The following ZSWIM6 variants were observed in gnomAD, a reference collection of about 807,000 sequenced individuals.
ZSWIM6 encodes zinc finger SWIM domain-containing protein 6.
A neutral mutation model predicts 113.2 loss-of-function variants in ZSWIM6; 9 were observed. That is an observed-to-expected ratio of 0.08 (90% CI 0.05 to 0.14). The LOEUF is 0.14. ZSWIM6 is among the 10% of genes least tolerant of loss of function. ZSWIM6 has a pLI of 1.00. For missense variants in ZSWIM6, 1,162 were observed against 1,552.2 expected (o/e 0.75, Z 4.22); for synonymous variants, 611 against 606.5 (o/e 1.01, Z -0.11).
intron 4 of ZSWIM6, among the ~76,000 whole-genome samples, chr5:61,520,983 TG>T (rs2112260662): frequency 6.6e-6 from 1 of 152,254 alleles, no homozygotes; most frequent in East Asian, 1.9e-4. Flanking sequence ...TTTGGATATT[TG>T]GTTCAAACTT....
intron 1 of ZSWIM6, among the ~76,000 whole-genome samples, chr5:61,369,954 C>T (rs879291637): frequency 1.3e-5 from 2 of 152,126 alleles, no homozygotes; most frequent in Non-Finnish European, 2.9e-5. Context: ...AAACAAACTA[C>T]AAAACAGAGG....
chr5:61,464,142 C>T (rs1013867410), intron 1 of ZSWIM6, among the ~76,000 whole-genome samples: 1 of 145,808 alleles, frequency 6.9e-6, no homozygotes, highest in Non-Finnish European at 1.5e-5. Flanking sequence ...CAGGTGCATG[C>T]CAACACACCC....
intron 1 of ZSWIM6, among the ~76,000 whole-genome samples, chr5:61,392,669 A>G (rs978200059): frequency 4.6e-5 from 7 of 152,038 alleles, no homozygotes; most frequent in South Asian, 2.1e-4. Flanking sequence ...CTGGAGTGCA[A>G]TGGCGTGATC....
At chr5:61,474,673 C>T (rs555919114) in intron 2 of ZSWIM6, among the ~76,000 whole-genome samples, 10 of 152,216 alleles carry the variant, frequency 6.6e-5, no homozygotes, top group African/African-American at 2.4e-4. Context: ...CTAGTGGCTG[C>T]CATATTGGAC....
chr5:61,521,982 G>C (rs1030725757), intron 5 of ZSWIM6, among the ~76,000 whole-genome samples: 1 of 151,922 alleles, frequency 6.6e-6, no homozygotes, highest in Non-Finnish European at 1.5e-5. Flanking sequence ...GGGTTGTCTA[G>C]CCCACCTGCT....
chr5:61,358,038 A>C (rs1305246067), intron 1 of ZSWIM6, among the ~76,000 whole-genome samples: 2 of 152,018 alleles, frequency 1.3e-5, no homozygotes, highest in Non-Finnish European at 2.9e-5. Flanking sequence ...GGTTTTTCTT[A>C]TCTCTCCTCT....
At position 61,499,463 on chromosome 5, in the gene ZSWIM6, A is replaced by G. The variant is rs537546972; in HGVS notation, c.1333+5053A>G. ...ATAGTACCAGTAGCAAGGAGGGGGT[A>G]GAGAGATGAAACATTAGGAGATGTG... On this transcript the variant is annotated intron_variant, in intron 4 of 13. Transcript: ENST00000252744. 2.6e-5 allele frequency among the ~76,000 whole-genome samples: 4 copies of G among 152,294 alleles called. No individual in the cohort carries two copies. In the East Asian group the frequency reaches 7.7e-4, roughly 29 times the overall value.
chr5:61,346,772 A>G (rs1415389728), intron 1 of ZSWIM6, among the ~76,000 whole-genome samples: 1 of 152,202 alleles, frequency 6.6e-6, no homozygotes, highest in Middle Eastern at 3.2e-3. Context: ...AACTTACTAA[A>G]GAGGCATTTT....
At chr5:61,374,955 C>G (rs894062364) in intron 1 of ZSWIM6, among the ~76,000 whole-genome samples, 1 of 151,938 alleles carries the variant, frequency 6.6e-6, no homozygotes, top group East Asian at 1.9e-4. Context: ...GCTTGACAAA[C>G]TAAGGCTAAA....
chr5:61,457,126 T>A (rs6881799), intron 1 of ZSWIM6, among the ~76,000 whole-genome samples: 57,166 of 150,766 alleles, frequency 0.38, 10,974 homozygotes, highest in South Asian at 0.43. Context: ...TCATTGTTCA[T>A]TTCCCACCTA....
intron 1 of ZSWIM6, chr5:61,391,962 C>CG (rs1745726624): frequency 2.0e-6 from 1 of 502,966 alleles, no homozygotes; most frequent in South Asian, 2.4e-5. Context: ...TGGGCTTGTA[C>CG]GGGTCTACCT....
chr5:61,530,495 A>T (rs1371284073), intron 8 of ZSWIM6, among the ~76,000 whole-genome samples: 1 of 152,232 alleles, frequency 6.6e-6, no homozygotes, highest in Non-Finnish European at 1.5e-5. Context: ...ACTTCTTAGC[A>T]TAAAGTTATA....
Position 61,544,344 on chromosome 5 carries a change from GTGGGGA to G in ZSWIM6, c.*32_*37del. ...AGATCTTGTATGAATGGGGTGGGGGGTGGGGATGGGAGGGATGGTTTGTTTTTACTT... is the reference window on the plus strand; with the variant it reads ...AGATCTTGTATGAATGGGGTGGGGGGTGGGAGGGATGGTTTGTTTTTACTT... On this transcript the variant is annotated 3_prime_UTR_variant, in exon 14 of 14. Coordinates refer to ENST00000252744, the MANE Select transcript of ZSWIM6 (RefSeq NM_020928.2). 8.3e-6 allele frequency: 1 copy of G among 121,040 alleles called. No homozygotes were observed. The allele number at this position is 121,040 out of a possible 1,614,324, so 7.5% of individuals were successfully genotyped here.
intron 12 of ZSWIM6, 28 bp from the exon 13 acceptor site, chr5:61,541,855 TA>T: frequency 6.5e-7 from 1 of 1,537,106 alleles, no homozygotes. Context: ...GATAATTTTC[TA>T]AAACATTTTG....
intron 1 of ZSWIM6, among the ~76,000 whole-genome samples, chr5:61,411,914 A>G (rs1239353257): frequency 1.3e-5 from 2 of 152,188 alleles, no homozygotes; most frequent in Admixed American, 1.3e-4. Context: ...AGACCATAGC[A>G]TGCATTTTCA....
rs1194300554 is a variant in ZSWIM6 at position 61,544,340 on chromosome 5, G to C, written c.*23G>C. ...TGATAGATCTTGTATGAATGGGGTGGGGGGTGGGGATGGGAGGGATGGTTT... is the reference window on the plus strand; with the variant it reads ...TGATAGATCTTGTATGAATGGGGTGCGGGGTGGGGATGGGAGGGATGGTTT... On this transcript the variant is annotated 3_prime_UTR_variant, in exon 14 of 14. Transcript: ENST00000252744. 5 of 139,974 alleles carry C rather than the reference G, an allele frequency of 3.6e-5. No homozygotes were observed. The highest frequency in any genetic ancestry group is 7.5e-5 in the Non-Finnish European group (5 of 67,106). The allele number at this position is 139,974 out of a possible 1,614,324, so 8.7% of individuals were successfully genotyped here.
In ZSWIM6 at chr5:61,472,641, G is replaced by T; in HGVS notation, c.677-40G>T. On this transcript the variant is annotated intron_variant, in intron 1 of 13. Coordinates refer to ENST00000252744, the MANE Select transcript of ZSWIM6 (RefSeq NM_020928.2). This position sits in a 1 kb window ranked among gnomAD's most constrained non-coding sequence, Gnocchi z 4.1. ...TTAGAGCATTTCATAGCATCTGAAT[G>T]CAGAAGCTAAACCCTCCCTTTCTTT... The T allele has an allele frequency of 7.2e-7, 1 of 1,392,412 alleles. No individual in the cohort carries two copies. The allele number at this position is 1,392,412 out of a possible 1,614,324, so 86.3% of individuals were successfully genotyped here.
intron 1 of ZSWIM6, among the ~76,000 whole-genome samples, chr5:61,356,450 G>T (rs1364580574): frequency 6.6e-6 from 1 of 151,492 alleles, no homozygotes; most frequent in Non-Finnish European, 1.5e-5. Flanking sequence ...TATGATATTT[G>T]GGATTTTATT....
At chr5:61,371,167 C>G (rs976855842) in intron 1 of ZSWIM6, among the ~76,000 whole-genome samples, 1 of 151,904 alleles carries the variant, frequency 6.6e-6, no homozygotes, top group African/African-American at 2.4e-5. Context: ...TAGAAAAATC[C>G]CTTGCCTTTT....
Sources: allele counts gnomAD v4.1 joint callset (sites outside exome capture counted in the v4.1 genomes callset), GRCh38; gene constraint gnomAD v4.1.1; non-coding constraint Gnocchi (gnomAD v3.1); transcripts MANE v1.5; gene names NCBI Gene and HGNC (gene_info 2026-07-23, HGNC 2026-07-21).